EPB41L3: variants seen among roughly 807,000 people sequenced by gnomAD.
The protein encoded by EPB41L3 is erythrocyte membrane protein band 4.1 like 3.
In EPB41L3, 57 loss-of-function variants were observed where a neutral mutation model predicts 127.1. That is an observed-to-expected ratio of 0.45 (90% CI 0.36 to 0.56). EPB41L3 has a LOEUF of 0.56. Among genes scored for constraint, EPB41L3 ranks in the 20% least tolerant of loss-of-function variants. The pLI is 0.00. For missense variants in EPB41L3, 1,273 were observed against 1,372.2 expected, an observed-to-expected ratio of 0.93 and a Z score of 1.14; for synonymous variants, 572 against 549.5, an observed-to-expected ratio of 1.04 and a Z score of -0.57.
chr18:5,428,210 C>T, intron 9 of EPB41L3, 103 bp downstream of exon 9: 1 of 1,366,932 alleles, frequency 7.3e-7, no homozygotes, highest in South Asian at 1.3e-5. Context: ...ATGTCATTCA[C>T]TGTGTCCCAC....
chr18:5,494,071 A>T (rs1006460839), intron 1 of EPB41L3, among the ~76,000 whole-genome samples: 2 of 152,058 alleles, frequency 1.3e-5, no homozygotes, highest in African/African-American at 4.8e-5. Flanking sequence ...AAATTTTGTG[A>T]CCTCTCACTG....
intron 16 of EPB41L3, among the ~76,000 whole-genome samples, chr18:5,406,555 TC>T (rs1431956883): frequency 6.6e-6 from 1 of 152,190 alleles, no homozygotes; most frequent in Admixed American, 6.5e-5. Context: ...CCCTGTGGCT[TC>T]CCGCCCTAAG....
At chr18:5,514,943 AC>A (rs1319054401) in intron 1 of EPB41L3, among the ~76,000 whole-genome samples, 5 of 152,218 alleles carry the variant, frequency 3.3e-5, no homozygotes, top group African/African-American at 1.2e-4. Context: ...TTTTTAAAAC[AC>A]AATTCTGACC....
rs776604249 is a variant in EPB41L3 at position 5,416,337 on chromosome 18, T to C, written c.1548A>G (p.Pro516=). ...GAGATGTGGGGGCACAATGGGTGGA[T>C]GGGGGTGACAAGGGACATGAGTCAG... ...LGTDSCPLSP[P]STHCAPTSPT... The change falls in exon 13 of 23, where the codon CCA becomes CCG. Residue 516 remains proline, a synonymous_variant. Transcript: ENST00000341928. The C allele has an allele frequency of 9.3e-6, 15 of 1,613,588 alleles. No homozygotes were observed. The highest frequency in any genetic ancestry group is 1.2e-5 in the Non-Finnish European group (14 of 1,179,954).
At chr18:5,502,305 A>C (rs553280682) in intron 1 of EPB41L3, among the ~76,000 whole-genome samples, 19 of 133,406 alleles carry the variant, frequency 1.4e-4, no homozygotes, top group African/African-American at 5.5e-4. Flanking sequence ...ATAAATTTGG[A>C]AAAAAAAAAA....
At chr18:5,630,576 T>C (rs371325488), upstream of EPB41L3, 34 of 508,848 alleles carry the variant, frequency 6.7e-5, no homozygotes, top group African/African-American at 1.6e-4. Context: ...TCCTGGAGGC[T>C]GGAAGGGGCC....
At chr18:5,401,687 T>C (rs1197835448) in intron 16 of EPB41L3, among the ~76,000 whole-genome samples, 1 of 152,182 alleles carries the variant, frequency 6.6e-6, no homozygotes, top group East Asian at 1.9e-4. Flanking sequence ...TGCTGGAAAA[T>C]TAAGTATATC....
upstream of EPB41L3, among the ~76,000 whole-genome samples, chr18:5,545,798 C>T (rs572595821): frequency 6.6e-6 from 1 of 151,884 alleles, no homozygotes; most frequent in Non-Finnish European, 1.5e-5. Flanking sequence ...GAATTAACTG[C>T]ATTTCCTGTC....
intron 3 of EPB41L3, among the ~76,000 whole-genome samples, chr18:5,606,610 G>T (rs1055190802): frequency 1.9e-4 from 29 of 151,990 alleles, no homozygotes; most frequent in Non-Finnish European, 7.4e-5. Flanking sequence ...ATAACTATTT[G>T]TCATAAGTAA....
At chr18:5,503,075 T>C (rs1397135046) in intron 1 of EPB41L3, among the ~76,000 whole-genome samples, 1 of 152,240 alleles carries the variant, frequency 6.6e-6, no homozygotes, top group East Asian at 1.9e-4. Flanking sequence ...AAAAGTACTA[T>C]TTTTATGATT....
At position 5,555,046 on chromosome 18, in the gene EPB41L3, G is replaced by A. The variant is rs1054179879; in HGVS notation, c.-306+57294C>T. Among the ~76,000 whole-genome samples the A allele has an allele frequency of 6.6e-5, 10 of 152,186 alleles. 1 individual carries two copies. Among genetic ancestry groups the A allele is most frequent in the African/African-American group, 2.2e-4 (9 of 41,450 alleles). On this transcript the variant is annotated intron_variant, in intron 3 of 21. Coordinates refer to the EPB41L3 transcript ENST00000545076. ...ATGACATGGCTCACTTCTTTTGATT[G>A]CGCTTCACATGCCCACTAAAGATGA...
chr18:5,398,803 T>G (rs1189959669), intron 16 of EPB41L3: 3 of 399,286 alleles, frequency 7.5e-6, no homozygotes, highest in Non-Finnish European at 8.8e-6. Flanking sequence ...TGCTCTGTTT[T>G]GCTGAAGCGT....
chr18:5,428,286 C>G, intron 9 of EPB41L3, 27 bp downstream of exon 9: 1 of 1,611,342 alleles, frequency 6.2e-7, no homozygotes, highest in Non-Finnish European at 8.5e-7. Context: ...TTCCTCCCAA[C>G]GCACAGGCAA....
At position 5,395,597 on chromosome 18, in the gene EPB41L3, C is replaced by T. The variant is rs1224322746; in HGVS notation, c.3072+12G>A. ...CTCAAGGAATCCTCTTCTCGGTTCTCACTCCACTTACTTTGGTGATGTGCG... is the reference window on the plus strand; with the variant it reads ...CTCAAGGAATCCTCTTCTCGGTTCTTACTCCACTTACTTTGGTGATGTGCG... On this transcript the variant is annotated intron_variant, in intron 20 of 22. Coordinates refer to ENST00000341928, the MANE Select transcript of EPB41L3 (RefSeq NM_012307.5). 8 of 1,611,472 alleles carry T rather than the reference C, an allele frequency of 5.0e-6. No homozygotes were observed. The highest frequency in any genetic ancestry group is 1.3e-5 in the African/African-American group (1 of 74,854).
intron 3 of EPB41L3, among the ~76,000 whole-genome samples, chr18:5,580,245 A>C (rs2094379686): frequency 6.6e-6 from 1 of 152,220 alleles, no homozygotes; most frequent in African/African-American, 2.4e-5. Flanking sequence ...ACATATGTAT[A>C]GACATGTGTA....
intron 3 of EPB41L3, among the ~76,000 whole-genome samples, chr18:5,582,284 A>G (rs1049900913): frequency 2.0e-5 from 3 of 152,166 alleles, no homozygotes; most frequent in Non-Finnish European, 4.4e-5. Context: ...AAGCTGCCCA[A>G]CACAGGAGAG....
intron 3 of EPB41L3, among the ~76,000 whole-genome samples, chr18:5,468,986 C>T (rs1220082902): frequency 1.3e-5 from 2 of 152,092 alleles, no homozygotes; most frequent in Non-Finnish European, 2.9e-5. Context: ...GGAAAAAGAG[C>T]TACCCACTTC....
intron 1 of EPB41L3, among the ~76,000 whole-genome samples, chr18:5,524,885 A>C (rs2093160949): frequency 6.6e-6 from 1 of 152,104 alleles, no homozygotes; most frequent in South Asian, 2.1e-4. Context: ...TGACAGCCCC[A>C]AGTCATCCCC....
chr18:5,538,994 G>GTTTTTTT (rs1568535153), intron 1 of EPB41L3, among the ~76,000 whole-genome samples: 1 of 128,628 alleles, frequency 7.8e-6, no homozygotes, highest in Non-Finnish European at 1.6e-5. Context: ...CTTTCTCCAA[G>GTTTTTTT]ATTTTTTTTT....
Sources: allele counts gnomAD v4.1 joint callset (sites outside exome capture counted in the v4.1 genomes callset), GRCh38; gene constraint gnomAD v4.1.1; transcripts MANE v1.5; gene names NCBI Gene and HGNC (gene_info 2026-07-23, HGNC 2026-07-21).